The following FBN2 variants were observed in gnomAD, a reference collection of about 807,000 sequenced individuals.
The protein encoded by FBN2 is fibrillin 2, also known as fibrillin-2.
FBN2 carries 105 observed loss-of-function variants against 355.6 expected under a neutral mutation model. That is an observed-to-expected ratio of 0.30 (90% confidence interval 0.25 to 0.35). FBN2 has a LOEUF of 0.35. Ranked by LOEUF, FBN2 falls within the 10% of genes least tolerant of loss-of-function variation. The probability of loss-of-function intolerance (pLI) is 1.00; values close to 1 mark genes in which losing one functional copy is unlikely to be tolerated. For missense variants in FBN2, 3,280 were observed against 3,758.7 expected, an observed-to-expected ratio of 0.87 and a Z score of 3.33; for synonymous variants, 1,350 against 1,301.2, an observed-to-expected ratio of 1.04 and a Z score of -0.81.
At chr5:128,299,361 A>C (rs7710157) in intron 48 of FBN2, among the ~76,000 whole-genome samples, 5,582 of 148,696 alleles carry the variant, frequency 0.038, 385 homozygotes, top group African/African-American at 0.13. Context: ...TGGGCTCCAA[A>C]CAGTTCGAGC....
chr5:128,263,583 G>A lies in FBN2; in HGVS notation c.8034C>T (p.Cys2678=), dbSNP rs774065164. 6.2e-6 allele frequency: 10 copies of A among 1,613,976 alleles called. No individual in the cohort carries two copies. The highest frequency in any genetic ancestry group is 1.3e-5 in the African/African-American group (1 of 74,900). The part of the protein sequence containing the change: ...SCYNTLGSYK[C]ACPSGFSFDQ... ...CGAAGGAGAACCCCGAGGGGCAGGC[G>A]CACTTGTAACTCCCCAGGGTGTTGT... Residue 2678 remains cysteine, a synonymous_variant, in exon 63 of 65, where the codon TGC becomes TGT. Coordinates refer to ENST00000262464, the MANE Select transcript of FBN2 (RefSeq NM_001999.4).
chr5:128,306,042 T>C (rs567900190), intron 42 of FBN2, 94 bp from the exon 43 acceptor site: 377 of 1,274,658 alleles, frequency 3.0e-4, no homozygotes, highest in Non-Finnish European at 4.0e-4. Flanking sequence ...CTGGGATGAG[T>C]ACAAATATTC....
intron 6 of FBN2, among the ~76,000 whole-genome samples, chr5:128,460,955 T>C (rs1754539997): frequency 6.6e-6 from 1 of 152,140 alleles, no homozygotes; most frequent in Non-Finnish European, 1.5e-5. Flanking sequence ...GGAGACTTCA[T>C]GACAAAAATG....
chr5:128,393,327 C>T lies in FBN2; in HGVS notation c.1273G>A (p.Gly425Arg). The T allele has an allele frequency of 1.9e-6, 3 of 1,614,188 alleles. No homozygotes were observed. The highest frequency in any genetic ancestry group is 2.5e-6 in the Non-Finnish European group (3 of 1,180,024). The change falls in exon 10 of 65, where the codon GGA (glycine) becomes AGA (arginine). Residue 425 changes from glycine (G) to arginine (R), a missense_variant. This residue lies in a region of FBN2 where 343 missense variants were observed against 331.0 expected (regional missense o/e 1.04). Coordinates refer to ENST00000262464, the MANE Select transcript of FBN2 (RefSeq NM_001999.4). ...RLCMDGLPMGGIPGSAGSRPG... is the reference protein window; with the variant it reads ...RLCMDGLPMGRIPGSAGSRPG... ...CTGGAACCAGCACTCCCTGGAATTCCTCCCATTGGAAGTCCATCCATGCAA... is the reference window on the plus strand; with the variant it reads ...CTGGAACCAGCACTCCCTGGAATTCTTCCCATTGGAAGTCCATCCATGCAA...
intron 29 of FBN2, 76 bp downstream of exon 29, chr5:128,335,379 T>C (rs1014114150): frequency 1.2e-4 from 195 of 1,610,984 alleles, no homozygotes; most frequent in Non-Finnish European, 1.6e-4. Context: ...CTGGTTCCAC[T>C]TGGTAATATC....
intron 23 of FBN2, among the ~76,000 whole-genome samples, chr5:128,346,640 C>T (rs1209914816): frequency 1.3e-5 from 2 of 152,116 alleles, no homozygotes; most frequent in East Asian, 3.9e-4. Flanking sequence ...TGGAGTCTCA[C>T]TCTGTTGCCC....
At chr5:128,397,503 T>C (rs1752680134) in intron 8 of FBN2, among the ~76,000 whole-genome samples, 1 of 152,296 alleles carries the variant, frequency 6.6e-6, no homozygotes, top group East Asian at 1.9e-4. Context: ...ATTCAAATAT[T>C]ATTAATTGTT....
intron 6 of FBN2, among the ~76,000 whole-genome samples, chr5:128,447,553 A>G (rs1387975209): frequency 6.6e-6 from 1 of 152,190 alleles, no homozygotes; most frequent in East Asian, 1.9e-4. Flanking sequence ...TCTCCTGATA[A>G]GATGTTATCA....
intron 11 of FBN2, among the ~76,000 whole-genome samples, chr5:128,382,973 T>C (rs558166346): frequency 2.7e-4 from 41 of 151,966 alleles, no homozygotes; most frequent in South Asian, 2.5e-3. Flanking sequence ...CACAAACAAA[T>C]GGACAAAGTA....
chr5:128,415,355 C>T (rs182752555), intron 7 of FBN2, among the ~76,000 whole-genome samples: 1 of 152,266 alleles, frequency 6.6e-6, no homozygotes, highest in East Asian at 1.9e-4. Flanking sequence ...CTTCATCCTC[C>T]ACTATGGCCA....
intron 49 of FBN2, 144 bp from the exon 50 acceptor site, chr5:128,291,028 A>G: frequency 1.5e-6 from 1 of 671,736 alleles, no homozygotes; most frequent in South Asian, 1.9e-5. Context: ...TTCATTTGCC[A>G]ATTTAGACTG....
intron 5 of FBN2, among the ~76,000 whole-genome samples, chr5:128,469,708 G>A (rs758227955): frequency 4.6e-5 from 7 of 152,142 alleles, no homozygotes; most frequent in Non-Finnish European, 8.8e-5. Context: ...TGGAATAAAA[G>A]TTCCTGAATT....
At chr5:128,495,464 G>GTAAACT (rs1755631923) in intron 5 of FBN2, among the ~76,000 whole-genome samples, 1 of 151,968 alleles carries the variant, frequency 6.6e-6, no homozygotes, top group African/African-American at 2.4e-5. Flanking sequence ...GTTTAACAAA[G>GTAAACT]TTTAAGTAGT....
intron 7 of FBN2, among the ~76,000 whole-genome samples, chr5:128,440,939 G>A (rs1753901393): frequency 1.3e-5 from 2 of 152,290 alleles, no homozygotes; most frequent in East Asian, 1.9e-4. Flanking sequence ...CAGCTATTAT[G>A]AGTGCAGTGC....
intron 7 of FBN2, among the ~76,000 whole-genome samples, chr5:128,430,068 C>G (rs2127029094): frequency 6.6e-6 from 1 of 152,050 alleles, no homozygotes; most frequent in South Asian, 2.1e-4. Flanking sequence ...TGTGAGTTAC[C>G]TTCTAATATT....
At chr5:128,442,538 C>T (rs1285779221) in intron 7 of FBN2, among the ~76,000 whole-genome samples, 1 of 151,998 alleles carries the variant, frequency 6.6e-6, no homozygotes, top group Non-Finnish European at 1.5e-5. Flanking sequence ...ACTGAAACAA[C>T]CTTCTCTTTG....
chr5:128,491,657 T>C (rs988933828), intron 5 of FBN2, among the ~76,000 whole-genome samples: 15 of 152,160 alleles, frequency 9.9e-5, no homozygotes, highest in Non-Finnish European at 2.1e-4. Flanking sequence ...TGCTCCAAAA[T>C]CTGAAGAGGG....
chr5:128,349,273 G>C, intron 23 of FBN2, 74 bp downstream of exon 23: 2 of 1,566,736 alleles, frequency 1.3e-6, no homozygotes, highest in African/African-American at 1.4e-5. Context: ...TTGTGGTTTT[G>C]GACTAGCCAC....
rs766586054 is a variant in FBN2, at chr5:128,276,073, C to T, written c.7559G>A (p.Gly2520Glu). The change falls in exon 59 of 65, where the codon GGG becomes GAG. Residue 2520 changes from glycine to glutamate, a missense_variant. Physicochemically the swap from Gly to Glu is moderately conservative, Grantham distance 98. Around this residue, in one of 6 missense-constraint regions of FBN2, gnomAD observed 2,284 missense variants for 2,749.5 expected, o/e 0.83. Transcript: ENST00000262464. ...EGSYQCSCPR[G>E]YVLQEDGKTC... The stretch of plus-strand genomic sequence containing the variant: ...CTTTCCATCCTCTTGCAGGACATAC[C>T]CCCTCGGACATGAACACTGATAACT... 1.9e-6 allele frequency: 3 copies of T among 1,613,790 alleles called. No homozygotes were observed. The highest frequency in any genetic ancestry group is 1.1e-5 in the South Asian group (1 of 91,078).
Sources: gnomAD v4.1 joint callset for allele counts (sites outside exome capture counted in the v4.1 genomes callset) on GRCh38, gnomAD v4.1.1 for gene constraint, gnomAD v4.1.1 regional missense constraint, MANE v1.5 for transcripts, NCBI Gene and HGNC (gene_info 2026-07-23, HGNC 2026-07-21) for gene names.